PPFIBP1: variants seen among roughly 807,000 people sequenced by gnomAD.
PPFIBP1 encodes PPFIB scaffold protein 1, also known as liprin-beta-1.
In PPFIBP1, 112 loss-of-function variants were observed where a neutral mutation model predicts 137.8. That is an observed-to-expected ratio of 0.81 (90% CI 0.70 to 0.95). PPFIBP1 has a LOEUF of 0.95. PPFIBP1 is among the 40% of genes least tolerant of loss of function. The probability of loss-of-function intolerance (pLI) is 0.00; values close to 1 mark genes in which losing one functional copy is unlikely to be tolerated. For missense variants in PPFIBP1, 1,083 were observed against 1,196.6 expected, an observed-to-expected ratio of 0.91 and a Z score of 1.40; for synonymous variants, 378 against 417.3, an observed-to-expected ratio of 0.91 and a Z score of 1.15.
rs1451954608 is a variant in PPFIBP1, at chr12:27,676,492, C to A, written c.1475C>A (p.Thr492Asn). 1 of 1,607,298 alleles carries A rather than the reference C, an allele frequency of 6.2e-7. No homozygotes were observed. Among genetic ancestry groups the A allele is most frequent in the Admixed American group, 1.7e-5 (1 of 58,988 alleles). Residue 492 changes from threonine to asparagine, a missense_variant, in exon 18 of 30, where the codon ACC becomes AAC. Thr to Asn is a moderately conservative substitution (Grantham distance 65). Coordinates refer to ENST00000228425, the MANE Select transcript of PPFIBP1 (RefSeq NM_003622.4). Reference protein sequence around the residue: ...TLPPRPPGQDTSMDDNPFGTR... With the variant: ...TLPPRPPGQDNSMDDNPFGTR... ...CCTCCCAGGCCCCCAGGGCAGGACA[C>A]CTCCATGGATGACAACCCCTTCGGC...
intron 9 of PPFIBP1, among the ~76,000 whole-genome samples, chr12:27,657,508 A>T (rs2059279018): frequency 6.6e-6 from 1 of 151,136 alleles, no homozygotes; most frequent in Non-Finnish European, 1.5e-5. Flanking sequence ...TACAAATTCC[A>T]GTTAGCGTAG....
Position 27,583,966 on chromosome 12 carries a change from T to A in PPFIBP1, c.-36+5727T>A, listed in dbSNP as rs562688824. ...ACTTGATAAAATCAGTTGATTCTTC[T>A]TTTTTTGTGGTAGTTGTGCTCTGAA... On this transcript the variant is annotated intron_variant, in intron 2 of 29. Coordinates refer to ENST00000228425, the MANE Select transcript of PPFIBP1 (RefSeq NM_003622.4). 3.4e-4 allele frequency among the ~76,000 whole-genome samples: 50 copies of A among 147,104 alleles called. No individual in the cohort carries two copies. The South Asian group carries it at 8.1e-3, about 24-fold the overall frequency.
chr12:27,688,943 T>C, intron 26 of PPFIBP1, 72 bp from the exon 27 acceptor site: 1 of 1,499,750 alleles, frequency 6.7e-7, no homozygotes, highest in Non-Finnish European at 9.0e-7. Flanking sequence ...GCTTTGCAAA[T>C]TATAAAGCAC....
chr12:27,551,472 G>A (rs983853149), intron 1 of PPFIBP1, among the ~76,000 whole-genome samples: 1 of 152,158 alleles, frequency 6.6e-6, no homozygotes, highest in Non-Finnish European at 1.5e-5. Context: ...AACAGAGGAG[G>A]TTTAAAAGGA....
intron 2 of PPFIBP1, among the ~76,000 whole-genome samples, chr12:27,623,832 C>T (rs2056563541): frequency 6.6e-6 from 1 of 152,162 alleles, no homozygotes; most frequent in Non-Finnish European, 1.5e-5. Context: ...ATACTTAAGA[C>T]ATCAGAGTGT....
At chr12:27,615,728 G>A (rs2138334065) in intron 2 of PPFIBP1, among the ~76,000 whole-genome samples, 1 of 152,282 alleles carries the variant, frequency 6.6e-6, no homozygotes, top group East Asian at 1.9e-4. Flanking sequence ...ATAACTCCCA[G>A]TGGTATCATT....
chr12:27,596,173 G>A (rs192723840), intron 2 of PPFIBP1, among the ~76,000 whole-genome samples: 34 of 151,172 alleles, frequency 2.2e-4, no homozygotes, highest in Middle Eastern at 3.4e-3. Context: ...CAACGCATTG[G>A]AATCTATCAA....
chr12:27,549,899 G>A lies in PPFIBP1; in HGVS notation c.-124+25534G>A, dbSNP rs141753300. Among the ~76,000 whole-genome samples the A allele has an allele frequency of 3.7e-3, 571 of 152,310 alleles. 4 individuals carry two copies. The highest frequency in any genetic ancestry group is 6.2e-3 in the Non-Finnish European group (425 of 68,020). On this transcript the variant is annotated intron_variant, in intron 1 of 29. Coordinates refer to ENST00000228425, the MANE Select transcript of PPFIBP1 (RefSeq NM_003622.4). ...TGTTTTGAAGGCGAGACCTTGAAGC[G>A]TGGGAGAGCTTCGCCTCTTTCGTAA...
At chr12:27,667,424 C>A in intron 13 of PPFIBP1, 104 bp downstream of exon 13, 1 of 1,022,490 alleles carries the variant, frequency 9.8e-7, no homozygotes, top group South Asian at 2.8e-5. Flanking sequence ...TTTCTCAGTT[C>A]CATCACCAAC....
At chr12:27,543,880 C>CCCTTT (rs1565736990) in intron 1 of PPFIBP1, among the ~76,000 whole-genome samples, 1 of 105,808 alleles carries the variant, frequency 9.5e-6, no homozygotes, top group Non-Finnish European at 1.8e-5. Context: ...CCCGCCCCTG[C>CCCTTT]TTTTTTTTTT....
intron 4 of PPFIBP1, among the ~76,000 whole-genome samples, chr12:27,640,393 G>C (rs1254350791): frequency 6.6e-6 from 1 of 152,134 alleles, no homozygotes; most frequent in Non-Finnish European, 1.5e-5. Flanking sequence ...CACATTGCTG[G>C]CTTTCAACAA....
intron 26 of PPFIBP1, 25 bp from the exon 27 acceptor site, chr12:27,688,990 A>AG: frequency 6.6e-7 from 1 of 1,525,220 alleles, no homozygotes; most frequent in South Asian, 1.2e-5. Flanking sequence ...ACTTTTGACA[A>AG]GCTTTTTTTT....
intron 2 of PPFIBP1, among the ~76,000 whole-genome samples, chr12:27,614,778 A>G (rs559346696): frequency 9.2e-5 from 14 of 152,388 alleles, no homozygotes; most frequent in Non-Finnish European, 1.3e-4. Context: ...TTTTACGTCA[A>G]CAAAGAATTG....
At chr12:27,632,484 A>G (rs1239525122) in intron 2 of PPFIBP1, among the ~76,000 whole-genome samples, 7 of 152,190 alleles carry the variant, frequency 4.6e-5, no homozygotes, top group African/African-American at 1.7e-4. Flanking sequence ...TTTCCTGCCA[A>G]TGACCAAAGT....
At chr12:27,529,122 G>A (rs928737754) in intron 1 of PPFIBP1, among the ~76,000 whole-genome samples, 2 of 152,194 alleles carry the variant, frequency 1.3e-5, no homozygotes, top group African/African-American at 4.8e-5. Context: ...TTCTGGCCAA[G>A]GGTCATGTCT....
chr12:27,663,257 T>A (rs971875413), intron 11 of PPFIBP1, among the ~76,000 whole-genome samples: 6 of 152,106 alleles, frequency 3.9e-5, no homozygotes, highest in African/African-American at 1.2e-4. Context: ...TGCTGATATC[T>A]CTTTGGCCAA....
intron 2 of PPFIBP1, among the ~76,000 whole-genome samples, chr12:27,618,982 A>G (rs1592900050): frequency 6.6e-6 from 1 of 152,186 alleles, no homozygotes; most frequent in South Asian, 2.1e-4. Flanking sequence ...TCTATTAGAG[A>G]TAACCAGTGG....
intron 1 of PPFIBP1, among the ~76,000 whole-genome samples, chr12:27,566,138 T>G (rs2067619744): frequency 6.6e-6 from 1 of 152,154 alleles, no homozygotes; most frequent in Non-Finnish European, 1.5e-5. Context: ...CAGTGGTAGG[T>G]ATCGAATACA....
At chr12:27,562,861 A>T (rs1338567696) in intron 1 of PPFIBP1, among the ~76,000 whole-genome samples, 6 of 152,188 alleles carry the variant, frequency 3.9e-5, no homozygotes, top group Non-Finnish European at 8.8e-5. Flanking sequence ...TTCATATAAA[A>T]GCAGTGCCAG....
Sources: gnomAD v4.1 joint callset for allele counts (sites outside exome capture counted in the v4.1 genomes callset) on GRCh38, gnomAD v4.1.1 for gene constraint, MANE v1.5 for transcripts, NCBI Gene and HGNC (gene_info 2026-07-23, HGNC 2026-07-21) for gene names.